EGF: variants seen among roughly 807,000 people sequenced by gnomAD.
EGF encodes the protein pro-epidermal growth factor.
In EGF, 95 loss-of-function variants were observed where a neutral mutation model predicts 143.8. The ratio of observed to expected loss-of-function variants is 0.66; its 90% confidence interval spans 0.56 to 0.78. The LOEUF (loss-of-function observed/expected upper bound fraction) is 0.78, where lower values mean the gene tolerates loss of function less well. Among genes scored for constraint, EGF ranks in the 30% least tolerant of loss-of-function variants. The pLI, the probability that EGF is intolerant of heterozygous loss-of-function variation, is 0.00. For missense variants in EGF, 1,320 were observed against 1,470.9 expected, an observed-to-expected ratio of 0.90 and a Z score of 1.68; for synonymous variants, 510 against 510.5, an observed-to-expected ratio of 1.00 and a Z score of 0.01.
chr4:109,936,573 T>C (rs1579513890), intron 1 of EGF, among the ~76,000 whole-genome samples: 1 of 152,170 alleles, frequency 6.6e-6, no homozygotes, highest in African/African-American at 2.4e-5. Context: ...AGTTATTTCT[T>C]GTCTTCTAAC....
rs984873299 is a variant in EGF at position 110,012,092 on chromosome 4, G to A, written c.*637G>A. ...AAAATATTACACAGGAGGCTTCGGA[G>A]TTTCTTAGTCATTACTGTCCTTTTC... On this transcript the variant is annotated 3_prime_UTR_variant, in exon 24 of 24. Transcript: ENST00000265171. 7 of 152,478 alleles carry A rather than the reference G, an allele frequency of 4.6e-5. No individual in the cohort carries two copies. The highest frequency in any genetic ancestry group is 1.4e-4 in the African/African-American group (6 of 41,448). 9.4% of individuals were successfully genotyped at this position (152,478 alleles called of 1,614,324 possible). A position where few individuals can be genotyped will look rare whatever the true frequency, so the allele number is the denominator to read the frequency against.
At chr4:109,921,352 A>C (rs183843039) in intron 1 of EGF, among the ~76,000 whole-genome samples, 2 of 150,452 alleles carry the variant, frequency 1.3e-5, no homozygotes, top group Non-Finnish European at 2.9e-5. Flanking sequence ...TGGTGTGAGC[A>C]TCTGTTTTTT....
Position 110,011,364 on chromosome 4 carries a change from G to C in EGF, c.3533G>C (p.Gly1178Ala). ...PSYGTQTLEG[G>A]VEKPHSLLSA... ...TATGGGACACAGACCCTTGAAGGGG[G>C]TGTCGAGAAGCCCCATTCTCTCCTA... is the stretch of plus-strand genomic sequence containing the variant. The change falls in exon 24 of 24, where the codon GGT becomes GCT. Residue 1178 changes from glycine (G) to alanine (A), a missense_variant. Physicochemically the swap from Gly to Ala is moderately conservative, Grantham distance 60 (BLOSUM62 0). This residue lies in a region of EGF where 1,186 missense variants were observed against 1,313.7 expected (regional missense o/e 0.90). Coordinates refer to ENST00000265171, the MANE Select transcript of EGF (RefSeq NM_001963.6). The C allele has an allele frequency of 6.2e-7, 1 of 1,614,124 alleles. No homozygotes were observed. The highest frequency in any genetic ancestry group is 8.5e-7 in the Non-Finnish European group (1 of 1,180,022).
chr4:110,002,225 G>A lies in EGF; in HGVS notation c.3174-2280G>A, dbSNP rs1373123332. Among the ~76,000 whole-genome samples, 5 of 152,240 alleles carry A rather than the reference G, an allele frequency of 3.3e-5. No homozygotes were observed. The East Asian group carries it at 9.6e-4, about 29-fold the overall frequency. ...AATTGTTTGTGTGCTGGGTGTGGTGGCTCGTGTCTATAATCCCAGCATTTT... is the reference window on the plus strand; with the variant it reads ...AATTGTTTGTGTGCTGGGTGTGGTGACTCGTGTCTATAATCCCAGCATTTT... On this transcript the variant is annotated intron_variant, in intron 21 of 23. Transcript: ENST00000265171.
chr4:109,942,964 TG>T (rs1227774480), intron 2 of EGF, among the ~76,000 whole-genome samples: 1 of 152,222 alleles, frequency 6.6e-6, no homozygotes, highest in Admixed American at 6.5e-5. Flanking sequence ...ATAGTTGAAA[TG>T]ATCAATACAT....
At chr4:109,919,001 T>C (rs1282773445) in intron 1 of EGF, among the ~76,000 whole-genome samples, 2 of 152,176 alleles carry the variant, frequency 1.3e-5, no homozygotes, top group Non-Finnish European at 2.9e-5. Context: ...CTTCAGACCA[T>C]CCATATCCTT....
chr4:109,927,348 A>G (rs1738853528), intron 1 of EGF, among the ~76,000 whole-genome samples: 1 of 152,202 alleles, frequency 6.6e-6, no homozygotes, highest in African/African-American at 2.4e-5. Context: ...CAAACTAATC[A>G]GAAGGTGTTA....
Position 110,012,837 on chromosome 4 carries a change from ACTTTAAATTTTGGGGG to A in EGF, c.*1387_*1402del, listed in dbSNP as rs1362138821. Among the ~76,000 whole-genome samples the A allele has an allele frequency of 6.6e-6, 1 of 152,228 alleles. No individual in the cohort carries two copies. The highest frequency in any genetic ancestry group is 2.4e-5 in the African/African-American group (1 of 41,460). On this transcript the variant is annotated 3_prime_UTR_variant, in exon 24 of 24. Coordinates refer to ENST00000265171, the MANE Select transcript of EGF (RefSeq NM_001963.6). Reference sequence around the variant, plus strand: ...ACAGATAACACAACCTGATATGGTAACTTTAAATTTTGGGGGCTTTGAATCATTCAGTTTATGCATT... The same window carrying A: ...ACAGATAACACAACCTGATATGGTAACTTTGAATCATTCAGTTTATGCATT...
At chr4:109,981,923 G>A (rs1749429981) in intron 15 of EGF, among the ~76,000 whole-genome samples, 1 of 151,178 alleles carries the variant, frequency 6.6e-6, no homozygotes, top group African/African-American at 2.4e-5. Flanking sequence ...ATCTTCTTGT[G>A]AAACTGGGTT....
chr4:109,943,625 C>A (rs1358759215), intron 3 of EGF, among the ~76,000 whole-genome samples, 190 bp downstream of exon 3: 1 of 152,146 alleles, frequency 6.6e-6, no homozygotes, highest in African/African-American at 2.4e-5. Context: ...CATAAATATT[C>A]CTAACTATCA....
Position 109,945,212 on chromosome 4 carries a change from G to T in EGF, c.877G>T (p.Gly293Cys), listed in dbSNP as rs376262854. 1.3e-5 allele frequency: 21 copies of T among 1,613,932 alleles called. No homozygotes were observed. Among genetic ancestry groups the T allele is most frequent in the Non-Finnish European group, 1.8e-5 (21 of 1,180,012 alleles). The change falls in exon 5 of 24, where the codon GGT (glycine) becomes TGT (cysteine). Residue 293 changes from glycine to cysteine, a missense_variant. Coordinates refer to ENST00000265171, the MANE Select transcript of EGF (RefSeq NM_001963.6). ...INLHSSFVPL[G>C]ELKVVHPLAQ... ...CCTCCATTCATCATTTGTACCACTTGGTGAACTGAAAGTAGTGCATCCACT... is the reference window on the plus strand; with the variant it reads ...CCTCCATTCATCATTTGTACCACTTTGTGAACTGAAAGTAGTGCATCCACT...
Position 109,959,380 on chromosome 4 carries a change from C to A in EGF, c.1009C>A (p.His337Asn). 1 of 1,613,400 alleles carries A rather than the reference C, an allele frequency of 6.2e-7. No homozygotes were observed. Among genetic ancestry groups the A allele is most frequent in the Non-Finnish European group, 8.5e-7 (1 of 1,179,926 alleles). ...TGTGTGTGGGCAAGACCTCCAGTCA[C>A]ACTTGTGCATGTGTGCAGAGGGATA... is the stretch of plus-strand genomic sequence containing the variant. ...STVCGQDLQS[H>N]LCMCAEGYAL... Residue 337 changes from histidine to asparagine, a missense_variant, in exon 6 of 24, where the codon CAC (histidine) becomes AAC (asparagine). This residue lies in a region of EGF where 1,186 missense variants were observed against 1,313.7 expected (regional missense o/e 0.90). Coordinates refer to ENST00000265171, the MANE Select transcript of EGF (RefSeq NM_001963.6).
intron 1 of EGF, among the ~76,000 whole-genome samples, chr4:109,932,487 T>C (rs1333758142): frequency 6.7e-6 from 1 of 150,112 alleles, no homozygotes; most frequent in Admixed American, 6.7e-5. Flanking sequence ...CACACCATTC[T>C]CCTGCCTCAG....
chr4:110,007,152 C>T (rs1405467144), intron 22 of EGF, among the ~76,000 whole-genome samples: 2 of 152,198 alleles, frequency 1.3e-5, no homozygotes, highest in Non-Finnish European at 2.9e-5. Context: ...AATACATGTT[C>T]TGTGGATTCA....
In EGF at chr4:109,963,034, C is replaced by T. The variant is rs796248794; in HGVS notation, c.1313-139C>T. Reference sequence around the variant, plus strand: ...ATGAGCCGAGAGTGCCATTGCACTCCAGCCTGGGTGAAAGAGTGAAACTCC... The same window carrying T: ...ATGAGCCGAGAGTGCCATTGCACTCTAGCCTGGGTGAAAGAGTGAAACTCC... On this transcript the variant is annotated intron_variant, in intron 8 of 23. Transcript: ENST00000265171. 16 of 1,028,558 alleles carry T rather than the reference C, an allele frequency of 1.6e-5. 1 individual carries two copies. In the African/African-American group the frequency reaches 2.7e-4, roughly 17 times the overall value. The allele number at this position is 1,028,558 out of a possible 1,614,324, so 63.7% of individuals were successfully genotyped here. A position where few individuals can be genotyped will look rare whatever the true frequency, so the allele number is the denominator to read the frequency against.
chr4:109,980,218 G>A (rs761364272), intron 14 of EGF, 79 bp downstream of exon 14: 5 of 1,442,522 alleles, frequency 3.5e-6, no homozygotes, highest in Non-Finnish European at 4.7e-6. Flanking sequence ...CATGCAGTTG[G>A]CGGGGGGGTG....
At chr4:109,977,769 T>G (rs881841) in intron 13 of EGF, among the ~76,000 whole-genome samples, 31,654 of 152,026 alleles carry the variant, frequency 0.21, 5,959 homozygotes, top group African/African-American at 0.48. Context: ...GAGCCTGGGA[T>G]GTTGAGGCTG....
At chr4:109,982,574 C>T (rs950579168) in intron 15 of EGF, among the ~76,000 whole-genome samples, 8 of 152,136 alleles carry the variant, frequency 5.3e-5, no homozygotes, top group African/African-American at 9.7e-5. Context: ...GTGATCCACC[C>T]GCCTTGGCCT....
intron 1 of EGF, among the ~76,000 whole-genome samples, chr4:109,940,530 C>A (rs1229135238): frequency 6.6e-6 from 1 of 152,124 alleles, no homozygotes; most frequent in Non-Finnish European, 1.5e-5. Flanking sequence ...ATAGGTAAGA[C>A]CCAAGGAGTC....
Sources: allele counts gnomAD v4.1 joint callset (sites outside exome capture counted in the v4.1 genomes callset), GRCh38; gene constraint gnomAD v4.1.1; regional missense constraint gnomAD v4.1.1; transcripts MANE v1.5; gene names NCBI Gene and HGNC (gene_info 2026-07-23, HGNC 2026-07-21).